Variants in COL21A1 observed in about 807,000 individuals in gnomAD.
COL21A1 encodes collagen type XXI alpha 1 chain, also known as collagen alpha-1(XXI) chain.
COL21A1 carries 149 observed loss-of-function variants against 137.9 expected under a neutral mutation model. The ratio of observed to expected loss-of-function variants is 1.08; its 90% CI spans 0.95 to 1.24. The LOEUF (loss-of-function observed/expected upper bound fraction) is 1.24, where lower values mean the gene tolerates loss of function less well. COL21A1 is among the 50% of genes most tolerant of loss of function. The pLI is 0.00. For missense variants in COL21A1, 1,167 were observed against 1,158.4 expected (o/e 1.01, Z -0.11); for synonymous variants, 456 against 391.5 (o/e 1.16, Z -1.95).
intron 1 of COL21A1, among the ~76,000 whole-genome samples, chr6:56,353,737 A>G (rs1220628862): frequency 6.6e-6 from 1 of 152,198 alleles, no homozygotes; most frequent in South Asian, 2.1e-4. Context: ...AAGAATGCCA[A>G]TAGAATAAAA....
intron 1 of COL21A1, among the ~76,000 whole-genome samples, chr6:56,280,515 G>A (rs967855785): frequency 6.6e-6 from 1 of 152,142 alleles, no homozygotes; most frequent in Non-Finnish European, 1.5e-5. Context: ...CCCTTGAGGG[G>A]CTCACCTGTC....
chr6:56,311,068 G>T (rs1192038440), intron 1 of COL21A1, among the ~76,000 whole-genome samples: 5 of 152,156 alleles, frequency 3.3e-5, no homozygotes, highest in Admixed American at 2.0e-4. Context: ...GCAGTGCAAT[G>T]CCAATGTATT....
chr6:56,179,209 A>C (rs2152280082), intron 3 of COL21A1, among the ~76,000 whole-genome samples: 1 of 152,140 alleles, frequency 6.6e-6, no homozygotes, highest in South Asian at 2.1e-4. Flanking sequence ...AAGTACAGAA[A>C]AACTCATTAA....
At chr6:56,137,825 T>A (rs1330851772) in intron 12 of COL21A1, among the ~76,000 whole-genome samples, 2 of 152,190 alleles carry the variant, frequency 1.3e-5, no homozygotes, top group East Asian at 3.8e-4. Flanking sequence ...ACTAAGATGT[T>A]AAATCCACTA....
intron 1 of COL21A1, among the ~76,000 whole-genome samples, chr6:56,282,310 G>A (rs1763803151): frequency 6.6e-6 from 1 of 152,060 alleles, no homozygotes; most frequent in Admixed American, 6.6e-5. Context: ...TTCCTGTTGA[G>A]GAATGGTAGT....
chr6:56,139,640 G>T (rs1438770170), intron 12 of COL21A1, among the ~76,000 whole-genome samples: 1 of 152,166 alleles, frequency 6.6e-6, no homozygotes, highest in Non-Finnish European at 1.5e-5. Context: ...GTTTTAACAT[G>T]TATTCTCTAA....
At chr6:56,322,016 T>C (rs1480108980) in intron 1 of COL21A1, among the ~76,000 whole-genome samples, 1 of 152,140 alleles carries the variant, frequency 6.6e-6, no homozygotes, top group Non-Finnish European at 1.5e-5. Context: ...GGATTTTATA[T>C]GACAACTGGC....
At chr6:56,097,910 A>C (rs866061309) in intron 17 of COL21A1, among the ~76,000 whole-genome samples, 2 of 40,082 alleles carry the variant, frequency 5.0e-5, no homozygotes, top group Non-Finnish European at 1.1e-4. Context: ...TAAATATATA[A>C]ATATATATAA....
At chr6:56,290,043 G>C (rs1168490084) in intron 1 of COL21A1, among the ~76,000 whole-genome samples, 2 of 152,076 alleles carry the variant, frequency 1.3e-5, no homozygotes, top group Non-Finnish European at 2.9e-5. Flanking sequence ...TGTCTTCTTT[G>C]TAAGTAACCC....
At chr6:56,177,907 T>A (rs1305340396) in intron 3 of COL21A1, among the ~76,000 whole-genome samples, 2 of 152,116 alleles carry the variant, frequency 1.3e-5, no homozygotes, top group Non-Finnish European at 1.5e-5. Flanking sequence ...GTGAACTGAT[T>A]AGACACATAA....
chr6:56,116,412 A>C (rs1582398791), intron 16 of COL21A1, among the ~76,000 whole-genome samples: 4 of 150,792 alleles, frequency 2.7e-5, no homozygotes, highest in African/African-American at 7.3e-5. Context: ...AAAAAAAAAA[A>C]AAAAAAAAAA....
At chr6:56,070,523 A>C (rs2114093357) in intron 21 of COL21A1, among the ~76,000 whole-genome samples, 1 of 151,740 alleles carries the variant, frequency 6.6e-6, no homozygotes, top group African/African-American at 2.4e-5. Context: ...TTTTCAAAAA[A>C]TTAAGCCAAA....
chr6:56,181,766 T>C (rs1161500991), intron 2 of COL21A1, among the ~76,000 whole-genome samples: 1 of 152,176 alleles, frequency 6.6e-6, no homozygotes, highest in African/African-American at 2.4e-5. Context: ...AAATACTAGT[T>C]ACTGCCCTCA....
intron 1 of COL21A1, among the ~76,000 whole-genome samples, chr6:56,360,366 T>C (rs1765938317): frequency 6.6e-6 from 1 of 152,192 alleles, no homozygotes; most frequent in Non-Finnish European, 1.5e-5. Flanking sequence ...TGCATGATAC[T>C]GAGATTATTG....
At chr6:56,239,014 A>G (rs1456136701) in intron 1 of COL21A1, among the ~76,000 whole-genome samples, 1 of 152,210 alleles carries the variant, frequency 6.6e-6, no homozygotes, top group Non-Finnish European at 1.5e-5. Context: ...AAGCTTTAAA[A>G]GGTCAAGCAC....
In COL21A1 at chr6:56,102,335, A is replaced by G. The variant is rs377346010; in HGVS notation, c.1759-810T>C. ...TGTTGACACATATACACACATGTAC[A>G]CACCCCAGACTTTTTGAAATCTAAC... On this transcript the variant is annotated intron_variant, in intron 16 of 29. Coordinates refer to ENST00000244728, the MANE Select transcript of COL21A1 (RefSeq NM_030820.4). Among the ~76,000 whole-genome samples, 192 of 152,276 alleles carry G rather than the reference A, an allele frequency of 1.3e-3. 4 individuals carry two copies. Among genetic ancestry groups the G allele is most frequent in the African/African-American group, 4.3e-3 (180 of 41,544 alleles).
chr6:56,370,506 C>T (rs914828020), intron 1 of COL21A1, among the ~76,000 whole-genome samples: 3 of 152,222 alleles, frequency 2.0e-5, no homozygotes, highest in Non-Finnish European at 2.9e-5. Context: ...TAACACAGAA[C>T]TCTATCCTAT....
intron 1 of COL21A1, among the ~76,000 whole-genome samples, chr6:56,299,612 C>T (rs1161966681): frequency 2.6e-5 from 4 of 151,926 alleles, no homozygotes; most frequent in South Asian, 2.1e-4. Context: ...ATTTTCATTC[C>T]CATAAGAAAT....
chr6:56,173,577 T>C (rs1368806169), intron 3 of COL21A1, among the ~76,000 whole-genome samples: 2 of 152,150 alleles, frequency 1.3e-5, no homozygotes, highest in African/African-American at 4.8e-5. Flanking sequence ...TCTATACTTA[T>C]ATCACACAGT....
Sources: allele counts gnomAD v4.1 joint callset (sites outside exome capture counted in the v4.1 genomes callset), GRCh38; gene constraint gnomAD v4.1.1; transcripts MANE v1.5; gene names NCBI Gene and HGNC (gene_info 2026-07-23, HGNC 2026-07-21).